The following PRKN variants were observed in gnomAD, a reference collection of about 807,000 sequenced individuals.
The protein encoded by PRKN is E3 ubiquitin-protein ligase parkin.
PRKN carries 56 observed loss-of-function variants against 59.5 expected under a neutral mutation model. That is an observed-to-expected ratio of 0.94 (90% confidence interval 0.76 to 1.18). PRKN has a LOEUF of 1.18. Ranked by LOEUF, PRKN falls within the 50% of genes most tolerant of loss-of-function variation. The pLI, the probability that PRKN is intolerant of heterozygous loss-of-function variation, is 0.00. For synonymous variants in PRKN, 250 were observed against 222.1 expected (o/e 1.13, Z -1.12); for missense variants, 657 against 596.4 (o/e 1.10, Z -1.06).
At chr6:162,536,438 C>G (rs1778722992) in intron 1 of PRKN, among the ~76,000 whole-genome samples, 1 of 152,078 alleles carries the variant, frequency 6.6e-6, no homozygotes, top group African/African-American at 2.4e-5. Context: ...CATTTTAGCT[C>G]TGAGTTATGT....
chr6:162,490,734 A>G (rs1792770633), intron 1 of PRKN, among the ~76,000 whole-genome samples: 2 of 152,224 alleles, frequency 1.3e-5, no homozygotes, highest in African/African-American at 4.8e-5. Flanking sequence ...ACATATCCAC[A>G]CTCTCAATGC....
chr6:161,570,140 A>AT (rs1358601920), intron 7 of PRKN, among the ~76,000 whole-genome samples: 2,189 of 132,652 alleles, frequency 0.017, 16 homozygotes, highest in Non-Finnish European at 0.026. Context: ...AAAAAAAAAA[A>AT]AAAAAAATAT....
rs11452001 is a variant in PRKN at position 162,223,661 on chromosome 6, A to ACACACACACAC, written c.413-22410_413-22409insGTGTGTGTGTG. 7.8e-3 allele frequency among the ~76,000 whole-genome samples: 473 copies of ACACACACACAC among 60,786 alleles called. 5 individuals carry two copies. Among genetic ancestry groups the ACACACACACAC allele is most frequent in the African/African-American group, 0.032 (450 of 14,064 alleles). The allele number at this position is 60,786 out of a possible 152,430, so 39.9% of individuals were successfully genotyped here. A position where few individuals can be genotyped will look rare whatever the true frequency, so the allele number is the denominator to read the frequency against. On this transcript the variant is annotated intron_variant, in intron 3 of 11. Coordinates refer to ENST00000366898, the MANE Select transcript of PRKN (RefSeq NM_004562.3). ...CACACACACACACACACACACACAC[A>ACACACACACAC]AACATAATGCTCCAGAAACAGCACA...
intron 9 of PRKN, among the ~76,000 whole-genome samples, chr6:161,489,946 A>G (rs1777486721): frequency 6.6e-6 from 1 of 152,198 alleles, no homozygotes; most frequent in African/African-American, 2.4e-5. Flanking sequence ...ACTGCTCCCA[A>G]TTACTTTAAG....
intron 1 of PRKN, among the ~76,000 whole-genome samples, chr6:162,561,995 C>G (rs1215059587): frequency 1.3e-5 from 2 of 152,162 alleles, no homozygotes; most frequent in African/African-American, 2.4e-5. Flanking sequence ...CACTGCTCCC[C>G]TAATCCCAGG....
At chr6:161,432,183 T>C (rs1461347411) in intron 9 of PRKN, among the ~76,000 whole-genome samples, 6 of 152,192 alleles carry the variant, frequency 3.9e-5, no homozygotes, top group Admixed American at 6.5e-5. Context: ...AGATTTATTT[T>C]AGTTTGTTAA....
At chr6:162,553,755 T>C (rs1480695760) in intron 1 of PRKN, among the ~76,000 whole-genome samples, 1 of 118,294 alleles carries the variant, frequency 8.5e-6, no homozygotes, top group Non-Finnish European at 1.6e-5. Flanking sequence ...TGAGACGAGA[T>C]TGCATCACTG....
At chr6:161,482,873 T>C (rs1791474077) in intron 9 of PRKN, among the ~76,000 whole-genome samples, 2 of 152,236 alleles carry the variant, frequency 1.3e-5, no homozygotes, top group African/African-American at 2.4e-5. Context: ...AGACTTACAA[T>C]ATGACTTTCA....
At chr6:161,635,911 C>A (rs916380063) in intron 7 of PRKN, among the ~76,000 whole-genome samples, 1 of 152,168 alleles carries the variant, frequency 6.6e-6, no homozygotes, top group African/African-American at 2.4e-5. Flanking sequence ...CAAATTTTTG[C>A]AGGAGGGGAA....
chr6:161,937,451 T>C (rs984030021), intron 6 of PRKN, among the ~76,000 whole-genome samples: 17 of 152,232 alleles, frequency 1.1e-4, no homozygotes, highest in African/African-American at 4.1e-4. Context: ...TCATCTATAG[T>C]CACTTGTTTC....
intron 4 of PRKN, among the ~76,000 whole-genome samples, chr6:162,187,999 T>A (rs947032404): frequency 6.6e-6 from 1 of 151,648 alleles, no homozygotes; most frequent in Non-Finnish European, 1.5e-5. Context: ...TGGGGGTGGG[T>A]TTTTCCTGCA....
At chr6:161,697,272 T>C (rs905614410) in intron 7 of PRKN, among the ~76,000 whole-genome samples, 2 of 152,208 alleles carry the variant, frequency 1.3e-5, no homozygotes, top group Non-Finnish European at 2.9e-5. Flanking sequence ...ATATTTGTAA[T>C]CTCTAACTTT....
intron 4 of PRKN, among the ~76,000 whole-genome samples, chr6:162,148,894 A>G (rs1409015751): frequency 6.6e-6 from 1 of 152,176 alleles, no homozygotes; most frequent in African/African-American, 2.4e-5. Flanking sequence ...ACAAAAATTG[A>G]CATTCTTTTT....
intron 1 of PRKN, among the ~76,000 whole-genome samples, chr6:162,502,806 T>A (rs979485040): frequency 8.6e-5 from 13 of 151,996 alleles, no homozygotes; most frequent in African/African-American, 3.1e-4. Flanking sequence ...TACTCAAGAG[T>A]CTAAATGATA....
At position 161,348,297 on chromosome 6, in the gene PRKN, G is replaced by A. The variant is rs537494414; in HGVS notation, c.*1802C>T. ...GTATGGACACGAGCCACTGGGTGCA[G>A]GGGGCTCATGCCTGCCACCTCTCTT... On this transcript the variant is annotated 3_prime_UTR_variant, in exon 12 of 12. Transcript: ENST00000366898. This position sits in a 1 kb window ranked among gnomAD's most constrained non-coding sequence, Gnocchi z 4.9. The A allele has an allele frequency of 4.9e-6, 1 of 203,970 alleles. No homozygotes were observed. Among genetic ancestry groups the A allele is most frequent in the African/African-American group, 2.3e-5 (1 of 43,682 alleles). The allele number at this position is 203,970 out of a possible 1,614,324, so 12.6% of individuals were successfully genotyped here. A position where few individuals can be genotyped will look rare whatever the true frequency, so the allele number is the denominator to read the frequency against.
At chr6:161,490,193 G>T (rs1777495652) in intron 9 of PRKN, among the ~76,000 whole-genome samples, 2 of 152,126 alleles carry the variant, frequency 1.3e-5, no homozygotes, top group South Asian at 4.1e-4. Context: ...GGTCACAAAG[G>T]CTTTGAACTC....
chr6:161,647,828 T>C (rs980394200), intron 7 of PRKN, among the ~76,000 whole-genome samples: 39 of 142,896 alleles, frequency 2.7e-4, no homozygotes, highest in Non-Finnish European at 1.5e-4. Context: ...TGTTTTAATT[T>C]TAATCCTTTC....
intron 3 of PRKN, among the ~76,000 whole-genome samples, chr6:162,241,656 C>T (rs1167847201): frequency 6.6e-6 from 1 of 152,004 alleles, no homozygotes; most frequent in Non-Finnish European, 1.5e-5. Context: ...ATAAGCTACC[C>T]TAAGTTTCTT....
Position 161,417,411 on chromosome 6 carries a change from C to G in PRKN, c.1084-30534G>C, listed in dbSNP as rs1477625826. 1.3e-5 allele frequency among the ~76,000 whole-genome samples: 2 copies of G among 149,064 alleles called. No homozygotes were observed. The highest frequency in any genetic ancestry group is 1.4e-4 in the Admixed American group (2 of 14,712). The stretch of plus-strand genomic sequence containing the variant: ...GTTGCAGTGAGCAGAGATGGCGTCA[C>G]TGCACTCCAGCCTGGCAACAGAGCC... On this transcript the variant is annotated intron_variant, in intron 9 of 11. Coordinates refer to ENST00000366898, the MANE Select transcript of PRKN (RefSeq NM_004562.3). The surrounding 1 kb of genome is among the most constrained non-coding windows in gnomAD (Gnocchi z 5.4).
Sources: allele counts gnomAD v4.1 joint callset (sites outside exome capture counted in the v4.1 genomes callset), GRCh38; gene constraint gnomAD v4.1.1; non-coding constraint Gnocchi (gnomAD v3.1); transcripts MANE v1.5; gene names NCBI Gene and HGNC (gene_info 2026-07-23, HGNC 2026-07-21).